Variants in SLC25A37 observed in about 807,000 individuals in gnomAD.
The protein encoded by SLC25A37 is solute carrier family 25 member 37.
In SLC25A37, 17 loss-of-function variants were observed where a neutral mutation model predicts 31.0. That is an observed-to-expected ratio of 0.55 (90% CI 0.38 to 0.82). The LOEUF (loss-of-function observed/expected upper bound fraction) is 0.82. Among genes scored for constraint, SLC25A37 ranks in the 40% least tolerant of loss-of-function variants. SLC25A37 has a pLI of 0.00. For synonymous variants in SLC25A37, 222 were observed against 193.0 expected, an observed-to-expected ratio of 1.15 and a Z score of -1.24; for missense variants, 404 against 465.8, an observed-to-expected ratio of 0.87 and a Z score of 1.22.
rs1387005447 is a variant in SLC25A37, at chr8:23,529,690, C to G, written c.210+478C>G. On this transcript the variant is annotated intron_variant, in intron 1 of 3. Coordinates refer to ENST00000519973, the MANE Select transcript of SLC25A37 (RefSeq NM_016612.4). The surrounding 1 kb of genome is among the most constrained non-coding windows in gnomAD (Gnocchi z 4.1). ...GTGTGGCCCTGGCCCGGCCGCGCGC[C>G]CTCGGGACTTGGTGTGTGGCTGCTG... 6.6e-6 allele frequency among the ~76,000 whole-genome samples: 1 copy of G among 152,218 alleles called. No homozygotes were observed. Among genetic ancestry groups the G allele is most frequent in the East Asian group, 1.9e-4 (1 of 5,176 alleles).
intron 1 of SLC25A37, among the ~76,000 whole-genome samples, chr8:23,546,531 G>GTATATATATATA (rs1251864600): frequency 6.9e-4 from 25 of 36,428 alleles, no homozygotes; most frequent in Non-Finnish European, 1.1e-3. Context: ...ATATATAGGT[G>GTATATATATATA]TATATATATA....
At chr8:23,543,611 C>T (rs1476522048) in intron 1 of SLC25A37, among the ~76,000 whole-genome samples, 4 of 152,160 alleles carry the variant, frequency 2.6e-5, no homozygotes, top group African/African-American at 7.2e-5. Flanking sequence ...TGGCTCATGC[C>T]TGTAATCCCA....
At chr8:23,560,843 G>A (rs963475229) in intron 1 of SLC25A37, among the ~76,000 whole-genome samples, 17 of 152,298 alleles carry the variant, frequency 1.1e-4, no homozygotes, top group African/African-American at 4.1e-4. Flanking sequence ...TAGGATCTGT[G>A]TTCTGTGCTT....
rs1251864600 is a variant in SLC25A37 at position 23,546,531 on chromosome 8, G to GTATA, written c.210+17338_210+17341dup. Among the ~76,000 whole-genome samples the GTATA allele has an allele frequency of 7.0e-3, 255 of 36,426 alleles. 7 individuals carry two copies. The highest frequency in any genetic ancestry group is 0.037 in the East Asian group (26 of 698). 23.9% of individuals were successfully genotyped at this position (36,426 alleles called of 152,430 possible). ...TATATAGGTATATATATATATAGGT[G>GTATA]TATATATATATATATATATATAGTG... On this transcript the variant is annotated intron_variant, in intron 1 of 3. Transcript: ENST00000519973.
intron 1 of SLC25A37, among the ~76,000 whole-genome samples, chr8:23,544,495 C>A (rs936890632): frequency 2.6e-5 from 4 of 152,184 alleles, no homozygotes; most frequent in Non-Finnish European, 5.9e-5. Flanking sequence ...ACAACCCAGG[C>A]ATTCCCCATG....
chr8:23,537,845 GTCTTTCTGTAGT>G (rs1300075834), intron 1 of SLC25A37, among the ~76,000 whole-genome samples: 1 of 152,112 alleles, frequency 6.6e-6, no homozygotes, highest in African/African-American at 2.4e-5. Context: ...GAGTAGCCAC[GTCTTTCTGTAGT>G]TCACACCTGT....
intron 1 of SLC25A37, among the ~76,000 whole-genome samples, chr8:23,553,146 T>C (rs528511895): frequency 2.0e-5 from 3 of 152,304 alleles, no homozygotes; most frequent in East Asian, 3.9e-4. Flanking sequence ...TTTGGCTGGG[T>C]GCAGTGGCTC....
Position 23,574,700 on chromosome 8 carries a change from T to C in SLC25A37, c.*2845T>C, listed in dbSNP as rs10098411. ...TTATCTCCAAAGTTGGTATTGTTGCTCCACGCAGACTGCAGTCCGGTTTCT... is the reference window on the plus strand; with the variant it reads ...TTATCTCCAAAGTTGGTATTGTTGCCCCACGCAGACTGCAGTCCGGTTTCT... On this transcript the variant is annotated 3_prime_UTR_variant, in exon 4 of 4. Transcript: ENST00000519973. 13,024 of 155,114 alleles carry C rather than the reference T, an allele frequency of 0.084. 666 individuals carry two copies. The highest frequency in any genetic ancestry group is 0.14 in the African/African-American group (5,872 of 41,602). 9.6% of individuals were successfully genotyped at this position (155,114 alleles called of 1,614,324 possible).
chr8:23,561,239 CT>C (rs57589850), intron 1 of SLC25A37, among the ~76,000 whole-genome samples: 52,534 of 151,214 alleles, frequency 0.35, 9,406 homozygotes, highest in African/African-American at 0.43. Flanking sequence ...CCCAGTTGAC[CT>C]TTTTTTTTCA....
intron 1 of SLC25A37, among the ~76,000 whole-genome samples, chr8:23,534,491 C>T (rs1801724610): frequency 6.6e-6 from 1 of 152,164 alleles, no homozygotes; most frequent in African/African-American, 2.4e-5. Context: ...TTTCCCACTT[C>T]TCTCATTTTT....
chr8:23,567,534 G>C (rs901437126), intron 2 of SLC25A37: 1 of 153,086 alleles, frequency 6.5e-6, no homozygotes, highest in African/African-American at 2.4e-5. Context: ...ATGATTATAA[G>C]TGTGTGTGTG....
intron 3 of SLC25A37, among the ~76,000 whole-genome samples, chr8:23,570,415 G>T (rs2978482): frequency 6.7e-6 from 1 of 149,396 alleles, no homozygotes; most frequent in Non-Finnish European, 1.5e-5. Context: ...GTGGTGGGGG[G>T]TGGGGTGGGG....
intron 1 of SLC25A37, among the ~76,000 whole-genome samples, chr8:23,562,170 A>G (rs959497851): frequency 6.6e-6 from 1 of 152,200 alleles, no homozygotes; most frequent in South Asian, 2.1e-4. Context: ...ATACACTGCC[A>G]TTCTCCAAAG....
At chr8:23,554,364 A>T (rs2928667) in intron 1 of SLC25A37, among the ~76,000 whole-genome samples, 1 of 151,954 alleles carries the variant, frequency 6.6e-6, no homozygotes, top group Non-Finnish European at 1.5e-5. Context: ...GCAGGGCAGG[A>T]CAGGGAAGCT....
At chr8:23,554,365 C>T (rs1438991544) in intron 1 of SLC25A37, among the ~76,000 whole-genome samples, 1 of 152,174 alleles carries the variant, frequency 6.6e-6, no homozygotes, top group East Asian at 1.9e-4. Flanking sequence ...CAGGGCAGGA[C>T]AGGGAAGCTG....
chr8:23,552,493 T>C (rs1311388430), intron 1 of SLC25A37, among the ~76,000 whole-genome samples: 1 of 152,142 alleles, frequency 6.6e-6, no homozygotes, highest in Admixed American at 6.5e-5. Context: ...CTCTATATAA[T>C]GGTTGAGTGA....
Position 23,574,110 on chromosome 8 carries a change from G to A in SLC25A37, c.*2255G>A. ...TTCCTACTGGATTTTGCTTTCACTG[G>A]TGTTTAGAAAATAAACTTGATTTCT... On this transcript the variant is annotated 3_prime_UTR_variant, in exon 4 of 4. Transcript: ENST00000519973. The A allele has an allele frequency of 3.0e-6, 1 of 332,482 alleles. No homozygotes were observed. Among genetic ancestry groups the A allele is most frequent in the East Asian group, 7.7e-5 (1 of 12,918 alleles). 20.6% of individuals were successfully genotyped at this position (332,482 alleles called of 1,614,324 possible). A position where few individuals can be genotyped will look rare whatever the true frequency, so the allele number is the denominator to read the frequency against.
chr8:23,550,937 C>G (rs1384461705), intron 1 of SLC25A37, among the ~76,000 whole-genome samples: 1 of 152,214 alleles, frequency 6.6e-6, no homozygotes, highest in African/African-American at 2.4e-5. Flanking sequence ...CGGCCTCTGG[C>G]TGTTGCCCCC....
chr8:23,569,082 A>G (rs1776808484), intron 3 of SLC25A37: 1 of 152,616 alleles, frequency 6.6e-6, no homozygotes, highest in Non-Finnish European at 1.5e-5. Flanking sequence ...TGGGCAGCAT[A>G]ATGAGACCCC....
Sources: allele counts gnomAD v4.1 joint callset (sites outside exome capture counted in the v4.1 genomes callset), GRCh38; gene constraint gnomAD v4.1.1; non-coding constraint Gnocchi (gnomAD v3.1); transcripts MANE v1.5; gene names NCBI Gene and HGNC (gene_info 2026-07-23, HGNC 2026-07-21).